Variants in CPOX observed in about 807,000 individuals in gnomAD.
CPOX encodes the protein coproporphyrinogen oxidase, also known as oxygen-dependent coproporphyrinogen-III oxidase, mitochondrial.
In CPOX, 24 loss-of-function variants were observed where a neutral mutation model predicts 48.9. That is an observed-to-expected ratio of 0.49 (90% CI 0.36 to 0.69). The LOEUF is 0.69. CPOX is among the 30% of genes least tolerant of loss of function. CPOX has a pLI of 0.00. For synonymous variants in CPOX, 249 were observed against 234.6 expected, an observed-to-expected ratio of 1.06 and a Z score of -0.56; for missense variants, 549 against 597.3, an observed-to-expected ratio of 0.92 and a Z score of 0.84.
chr3:98,591,981 A>G (rs1707487251), intron 1 of CPOX, among the ~76,000 whole-genome samples: 1 of 92,768 alleles, frequency 1.1e-5, no homozygotes, highest in Non-Finnish European at 2.0e-5. Flanking sequence ...ATATATATAT[A>G]TATGTATATG....
chr3:98,593,462 G>A lies in CPOX; in HGVS notation c.43C>T (p.Leu15Phe). The A allele has an allele frequency of 1.3e-6, 2 of 1,507,084 alleles. No individual in the cohort carries two copies. The highest frequency in any genetic ancestry group is 2.7e-5 in the East Asian group (1 of 37,622). 93.4% of individuals were successfully genotyped at this position (1,507,084 alleles called of 1,614,324 possible). A position where few individuals can be genotyped will look rare whatever the true frequency, so the allele number is the denominator to read the frequency against. ...CCTCCGCAGCCGCCCCGCGCCACGA[G>A]CCAGCAGGGGCCCGAGCTCAGCCTG... The part of the protein sequence containing the change: ...LGRLSSGPCW[L>F]VARGGCGGPR... Residue 15 changes from leucine (L) to phenylalanine (F), a missense_variant, in exon 1 of 7, where the codon CTC becomes TTC. Leu to Phe is a conservative substitution (Grantham distance 22, BLOSUM62 0). This residue lies in a region of CPOX where 336 missense variants were observed against 318.1 expected (regional missense o/e 1.06). Coordinates refer to ENST00000647941, the MANE Select transcript of CPOX (RefSeq NM_000097.7).
chr3:98,572,185 C>T, the CPOX span, among the ~76,000 whole-genome samples: 4 of 152,174 alleles, frequency 2.6e-5, no homozygotes, highest in African/African-American at 9.7e-5. Flanking sequence ...ATCAGTCTAG[C>T]TCCTGGATTT....
At chr3:98,590,765 T>C in intron 2 of CPOX, 23 bp from the exon 3 acceptor site, 1 of 1,525,020 alleles carries the variant, frequency 6.6e-7, no homozygotes, top group East Asian at 2.3e-5. Context: ...ATATGAGTCA[T>C]GAGCTATATT....
Position 98,593,561 on chromosome 3 carries a change from C to A in CPOX, c.-57G>T. The A allele has an allele frequency of 6.8e-7, 1 of 1,481,384 alleles. No homozygotes were observed. The highest frequency in any genetic ancestry group is 2.7e-5 in the East Asian group (1 of 37,304). The allele number at this position is 1,481,384 out of a possible 1,614,324, so 91.8% of individuals were successfully genotyped here. On this transcript the variant is annotated 5_prime_UTR_variant, in exon 1 of 7. Transcript: ENST00000647941. Reference sequence around the variant, plus strand: ...CGTCCCAGAGCCCTGCGTTTGAGCCCCCCACCCAGACCCCCGGAGTATTGA... The same window carrying A: ...CGTCCCAGAGCCCTGCGTTTGAGCCACCCACCCAGACCCCCGGAGTATTGA...
At chr3:98,587,602 G>C (rs1042448520) in intron 4 of CPOX, among the ~76,000 whole-genome samples, 5 of 150,722 alleles carry the variant, frequency 3.3e-5, no homozygotes, top group African/African-American at 7.4e-5. Context: ...CCACTCCCAT[G>C]AATTTAACCC....
At position 98,593,364 on chromosome 3, in the gene CPOX, G is replaced by A; in HGVS notation, c.141C>T (p.Val47=). 2 of 1,340,576 alleles carry A rather than the reference G, an allele frequency of 1.5e-6. No individual in the cohort carries two copies. The highest frequency in any genetic ancestry group is 3.1e-5 in the East Asian group (1 of 32,366). The allele number at this position is 1,340,576 out of a possible 1,614,324, so 83.0% of individuals were successfully genotyped here. Residue 47 remains valine (V), a synonymous_variant, in exon 1 of 7, where the codon GTC becomes GTT. Coordinates refer to ENST00000647941, the MANE Select transcript of CPOX (RefSeq NM_000097.7). ...AWSQRSAAGR[V]CRPPGPAGTE... is the part of the protein sequence containing the mutation. ...TGCCAGCCGGGCCAGGGGGCCGGCA[G>A]ACGCGTCCGGCTGCGCTGCGCTGGG...
chr3:98,588,793 T>G lies in CPOX; in HGVS notation c.873A>C (p.Glu291Asp), dbSNP rs1199455936. Residue 291 changes from glutamate (E) to aspartate (D), a missense_variant, in exon 4 of 7, where the codon GAA becomes GAC. By Grantham distance (45) the Glu-to-Asp change is conservative. Transcript: ENST00000647941. ...CDLTPTYLNQ[E>D]DAVHFHRTLK... ...GAGTTCTGTGAAAATGGACAGCGTC[T>G]TCTTGATTCAAGTATGTTGGAGTGA... 1 of 1,614,102 alleles carries G rather than the reference T, an allele frequency of 6.2e-7. No homozygotes were observed. The highest frequency in any genetic ancestry group is 1.1e-5 in the South Asian group (1 of 91,090).
At chr3:98,592,007 A>G (rs1031179698) in intron 1 of CPOX, among the ~76,000 whole-genome samples, 1 of 134,320 alleles carries the variant, frequency 7.4e-6, no homozygotes, top group African/African-American at 2.8e-5. Flanking sequence ...ATATATATAT[A>G]TATGTAGTAT....
At chr3:98,586,008 G>A (rs1707357292) in intron 4 of CPOX, 2 of 335,778 alleles carry the variant, frequency 6.0e-6, no homozygotes, top group South Asian at 4.9e-5. Flanking sequence ...AAGTAGCTGG[G>A]ACTACAGGTG....
intron 4 of CPOX, among the ~76,000 whole-genome samples, chr3:98,587,278 T>C (rs1414271649): frequency 6.6e-6 from 1 of 152,118 alleles, no homozygotes; most frequent in East Asian, 1.9e-4. Context: ...TGAGTAAAGT[T>C]GTAAAGTCAG....
chr3:98,590,483 T>G, intron 3 of CPOX, 149 bp downstream of exon 3: 1 of 701,426 alleles, frequency 1.4e-6, no homozygotes, highest in Non-Finnish European at 2.6e-6. Context: ...GCATAATCCA[T>G]TGCACTTGCC....
chr3:98,590,766 G>C lies in CPOX; in HGVS notation c.701-24C>G, dbSNP rs1269617570. On this transcript the variant is annotated intron_variant, in intron 2 of 6. Coordinates refer to ENST00000647941, the MANE Select transcript of CPOX (RefSeq NM_000097.7). ...ACCTGGAAAGTAAAATATGAGTCAT[G>C]AGCTATATTCAGTTACCTTGAATGC... 7 of 1,523,264 alleles carry C rather than the reference G, an allele frequency of 4.6e-6. No individual in the cohort carries two copies. The East Asian group carries it at 1.6e-4, about 34-fold the overall frequency. 94.4% of individuals were successfully genotyped at this position (1,523,264 alleles called of 1,614,324 possible).
downstream of CPOX, among the ~76,000 whole-genome samples, chr3:98,577,437 T>C (rs1261049909): frequency 1.3e-5 from 2 of 151,782 alleles, no homozygotes; most frequent in African/African-American, 4.8e-5. Context: ...GAGACTAAAG[T>C]AGGGTGGTGG....
At position 98,588,743 on chromosome 3, in the gene CPOX, C is replaced by T. The variant is rs1707414546; in HGVS notation, c.923G>A (p.Gly308Asp). ...RTLKEACDQH[G>D]PDLYPKFKKW... ...TTTAAATTTGGGGTAGAGATCTGGA[C>T]CATGCTGGTCACAAGCCTCCTTCAG... Residue 308 changes from glycine to aspartate, a missense_variant, in exon 4 of 7, where the codon GGT (glycine) becomes GAT (aspartate). Transcript: ENST00000647941. 1.9e-6 allele frequency: 3 copies of T among 1,614,108 alleles called. No homozygotes were observed. Among genetic ancestry groups the T allele is most frequent in the Non-Finnish European group, 2.5e-6 (3 of 1,180,034 alleles).
Position 98,580,012 on chromosome 3 carries a change from A to G in CPOX, c.*671T>C. On this transcript the variant is annotated 3_prime_UTR_variant, in exon 7 of 7. Coordinates refer to ENST00000647941, the MANE Select transcript of CPOX (RefSeq NM_000097.7). ...AACAAACAATGGTTCCACAAAAATC[A>G]AAATTACAACTTAGACATCTCTAAA... The G allele has an allele frequency of 1.0e-6, 1 of 984,822 alleles. No homozygotes were observed. The highest frequency in any genetic ancestry group is 1.2e-6 in the Non-Finnish European group (1 of 828,948). 61.0% of individuals were successfully genotyped at this position (984,822 alleles called of 1,614,324 possible). A position where few individuals can be genotyped will look rare whatever the true frequency, so the allele number is the denominator to read the frequency against.
rs1435343138 is a variant in CPOX, at chr3:98,579,695, A to G, written c.*988T>C. On this transcript the variant is annotated 3_prime_UTR_variant, in exon 7 of 7. Transcript: ENST00000647941. ...TTGTGATTTGCTCTTAAGAGCAAAG[A>G]GCTGCAGAATCTCTAATATAAAAAA... The G allele has an allele frequency of 1.3e-5, 13 of 985,132 alleles. No individual in the cohort carries two copies. The highest frequency in any genetic ancestry group is 1.3e-5 in the Non-Finnish European group (11 of 829,692). 61.0% of individuals were successfully genotyped at this position (985,132 alleles called of 1,614,324 possible).
At chr3:98,582,464 C>A (rs1017000851) in intron 5 of CPOX, among the ~76,000 whole-genome samples, 1 of 152,008 alleles carries the variant, frequency 6.6e-6, no homozygotes, top group African/African-American at 2.4e-5. Context: ...AGCAAAATAT[C>A]CTCTAGATTC....
At chr3:98,581,573 T>A in intron 5 of CPOX, 62 bp from the exon 6 acceptor site, 1 of 1,313,160 alleles carries the variant, frequency 7.6e-7, no homozygotes, top group South Asian at 1.2e-5. Context: ...GACTAACCCA[T>A]AACAAATACT....
At chr3:98,575,346 T>C (rs1423509035), downstream of CPOX, among the ~76,000 whole-genome samples, 2 of 152,232 alleles carry the variant, frequency 1.3e-5, no homozygotes, top group Non-Finnish European at 2.9e-5. Flanking sequence ...CAAACGCATT[T>C]TGAAATATGA....
Sources: allele counts gnomAD v4.1 joint callset (sites outside exome capture counted in the v4.1 genomes callset), GRCh38; gene constraint gnomAD v4.1.1; regional missense constraint gnomAD v4.1.1; transcripts MANE v1.5; gene names NCBI Gene and HGNC (gene_info 2026-07-23, HGNC 2026-07-21).